Variants in ATRN observed in about 807,000 individuals in gnomAD.
ATRN encodes attractin-2.
Under a neutral mutation model 178.7 loss-of-function variants are expected in ATRN, and 54 were observed. The observed-to-expected ratio is 0.30, with a 90% CI of 0.24 to 0.38. ATRN has a LOEUF of 0.38. Ranked by LOEUF, ATRN falls within the 10% of genes least tolerant of loss-of-function variation. The pLI, the probability that ATRN is intolerant of heterozygous loss-of-function variation, is 1.00. For synonymous variants in ATRN, 636 were observed against 663.0 expected (o/e 0.96, Z 0.63); for missense variants, 1,443 against 1,815.1 (o/e 0.79, Z 3.73).
intron 1 of ATRN, among the ~76,000 whole-genome samples, chr20:3,484,914 T>TTATTAG (rs1193573607): frequency 8.8e-6 from 1 of 114,110 alleles, no homozygotes; most frequent in Non-Finnish European, 1.8e-5. Context: ...TTTAAAATTA[T>TTATTAG]TATTATTATT....
chr20:3,583,489 G>A (rs2086308575), intron 16 of ATRN, among the ~76,000 whole-genome samples: 1 of 152,078 alleles, frequency 6.6e-6, no homozygotes, highest in Non-Finnish European at 1.5e-5. Flanking sequence ...TGATTTCATG[G>A]CACATTAATG....
At chr20:3,490,461 T>C in intron 1 of ATRN, 1 of 963,262 alleles carries the variant, frequency 1.0e-6, no homozygotes. Context: ...GCAGCATCTC[T>C]AGGTATCTCT....
At chr20:3,562,205 C>A in intron 8 of ATRN, 71 bp from the exon 9 acceptor site, 1 of 1,321,342 alleles carries the variant, frequency 7.6e-7, no homozygotes, top group Non-Finnish European at 1.1e-6. Flanking sequence ...ATGCCCTAAG[C>A]TCTTTGGACA....
At chr20:3,476,070 A>G (rs2084525211) in intron 1 of ATRN, among the ~76,000 whole-genome samples, 1 of 152,200 alleles carries the variant, frequency 6.6e-6, no homozygotes, top group African/African-American at 2.4e-5. Context: ...GCTTGAGCCC[A>G]GGAGGTTGAG....
chr20:3,577,260 C>T (rs1182320126), intron 14 of ATRN, among the ~76,000 whole-genome samples: 1 of 152,200 alleles, frequency 6.6e-6, no homozygotes, highest in Non-Finnish European at 1.5e-5. Context: ...ATCACTGAGC[C>T]TGCTCCTTGT....
chr20:3,602,353 CT>C (rs1363899484), intron 23 of ATRN, among the ~76,000 whole-genome samples: 1 of 151,620 alleles, frequency 6.6e-6, no homozygotes, highest in Non-Finnish European at 1.5e-5. Context: ...AAAAAAACAC[CT>C]TCCCAAGTAG....
At chr20:3,522,041 T>A (rs2146149910) in intron 1 of ATRN, among the ~76,000 whole-genome samples, 1 of 152,220 alleles carries the variant, frequency 6.6e-6, no homozygotes, top group South Asian at 2.1e-4. Flanking sequence ...TCATCCACTT[T>A]GGCCTCCCAA....
At chr20:3,514,466 T>C (rs1039852127) in intron 1 of ATRN, among the ~76,000 whole-genome samples, 22 of 152,180 alleles carry the variant, frequency 1.4e-4, no homozygotes, top group African/African-American at 4.8e-4. Flanking sequence ...AACAGAATAT[T>C]TGCAGACTGT....
intron 1 of ATRN, among the ~76,000 whole-genome samples, chr20:3,513,186 G>A (rs2085160475): frequency 6.6e-6 from 1 of 152,126 alleles, no homozygotes; most frequent in Non-Finnish European, 1.5e-5. Context: ...CCTTGCCCAT[G>A]CCTGTGTCCT....
Position 3,575,957 on chromosome 20 carries a change from C to T in ATRN, c.2214+9C>T. The T allele has an allele frequency of 6.2e-7, 1 of 1,611,664 alleles. No individual in the cohort carries two copies. On this transcript the variant is annotated intron_variant, in intron 13 of 28. Coordinates refer to ENST00000262919, the MANE Select transcript of ATRN (RefSeq NM_139321.3). Reference sequence around the variant, plus strand: ...GCTGCTCAGAAGGCCAGGTCAGAGGCTGTTTCTTAAAGATTTCAGAAAAAT... The same window carrying T: ...GCTGCTCAGAAGGCCAGGTCAGAGGTTGTTTCTTAAAGATTTCAGAAAAAT...
intron 12 of ATRN, among the ~76,000 whole-genome samples, chr20:3,574,777 T>A (rs149650867): frequency 6.6e-6 from 1 of 152,234 alleles, no homozygotes; most frequent in African/African-American, 2.4e-5. Flanking sequence ...GTTCCCTGTT[T>A]CACCCCACTT....
intron 1 of ATRN, among the ~76,000 whole-genome samples, chr20:3,480,766 G>A (rs2084608325): frequency 6.6e-6 from 1 of 152,138 alleles, no homozygotes; most frequent in Non-Finnish European, 1.5e-5. Context: ...AAAGGAGAGT[G>A]TGTGTTTATG....
chr20:3,606,194 C>A (rs2086674821), intron 24 of ATRN, among the ~76,000 whole-genome samples: 1 of 152,222 alleles, frequency 6.6e-6, no homozygotes, highest in Non-Finnish European at 1.5e-5. Context: ...AGTCACACAT[C>A]TGCTCACAAT....
intron 1 of ATRN, among the ~76,000 whole-genome samples, chr20:3,492,547 C>T (rs920937377): frequency 6.6e-6 from 1 of 151,860 alleles, no homozygotes; most frequent in African/African-American, 2.4e-5. Context: ...TGTTTTTGAG[C>T]TTGGGGTAGA....
At chr20:3,483,681 CA>C (rs2084652985) in intron 1 of ATRN, among the ~76,000 whole-genome samples, 2 of 152,206 alleles carry the variant, frequency 1.3e-5, no homozygotes, top group Non-Finnish European at 2.9e-5. Context: ...TTTTTGCATA[CA>C]TGTGTGATTT....
At chr20:3,536,297 C>T (rs1600085428) in intron 2 of ATRN, among the ~76,000 whole-genome samples, 1 of 152,060 alleles carries the variant, frequency 6.6e-6, no homozygotes, top group East Asian at 1.9e-4. Context: ...CAACGTCTGC[C>T]TCCTGGGTTC....
intron 1 of ATRN, among the ~76,000 whole-genome samples, chr20:3,492,168 A>AGT (rs58489496): frequency 0.18 from 24,808 of 140,398 alleles, 2,253 homozygotes; most frequent in East Asian, 0.35. Context: ...TAGATAGGGG[A>AGT]GTGTGTGTGT....
intron 17 of ATRN, 68 bp downstream of exon 17, chr20:3,584,151 G>A (rs1399533199): frequency 2.0e-6 from 3 of 1,505,826 alleles, no homozygotes; most frequent in Non-Finnish European, 2.7e-6. Context: ...CAGCCATGAG[G>A]CTGTGCTGTC....
rs1374217289 is a variant in ATRN at position 3,604,181 on chromosome 20, T to C, written c.3720T>C (p.Asn1240=). Residue 1240 remains asparagine (N), a synonymous_variant, in exon 24 of 29, where the codon AAT becomes AAC. Coordinates refer to ENST00000262919, the MANE Select transcript of ATRN (RefSeq NM_139321.3). ...NIKEYKDSFS[N]EKFDFRNHPN... ...AGGAGTACAAAGATAGTTTCTCTAA[T>C]GAGAAGTTTGATTTTCGCAACCACC... 15 of 1,613,318 alleles carry C rather than the reference T, an allele frequency of 9.3e-6. No individual in the cohort carries two copies. Among genetic ancestry groups the C allele is most frequent in the Non-Finnish European group, 1.2e-5 (14 of 1,179,764 alleles).
Sources: allele counts gnomAD v4.1 joint callset (sites outside exome capture counted in the v4.1 genomes callset), GRCh38; gene constraint gnomAD v4.1.1; transcripts MANE v1.5; gene names NCBI Gene and HGNC (gene_info 2026-07-23, HGNC 2026-07-21).